The following C19orf38 variants were observed in gnomAD, a reference collection of about 807,000 sequenced individuals.
The protein encoded by C19orf38 is protein HIDE1.
C19orf38 carries 14 observed loss-of-function variants against 26.6 expected under a neutral mutation model. That is an observed-to-expected ratio of 0.53 (90% CI 0.35 to 0.82). The LOEUF (loss-of-function observed/expected upper bound fraction) is 0.82, where lower values mean the gene tolerates loss of function less well. C19orf38 is among the 40% of genes least tolerant of loss of function. The pLI is 0.01. For missense variants in C19orf38, 261 were observed against 299.5 expected (o/e 0.87, Z 0.95); for synonymous variants, 132 against 128.5 (o/e 1.03, Z -0.18).
chr19:10,850,164 G>T, intron 1 of C19orf38, 95 bp from the exon 2 acceptor site: 1 of 1,233,688 alleles, frequency 8.1e-7, no homozygotes, highest in South Asian at 1.5e-5. Context: ...GAAAACACAA[G>T]GCTGAGGGAG....
At chr19:10,853,899 G>GTTT (rs545079431) in intron 2 of C19orf38, among the ~76,000 whole-genome samples, 18 of 116,894 alleles carry the variant, frequency 1.5e-4, no homozygotes, top group African/African-American at 4.4e-4. Context: ...TCCGGCTAAT[G>GTTT]TTTTTTTTTT....
chr19:10,857,614 A>T (rs936602020), intron 3 of C19orf38, among the ~76,000 whole-genome samples: 29 of 151,282 alleles, frequency 1.9e-4, no homozygotes, highest in African/African-American at 6.5e-4. Flanking sequence ...GGGTTTCACC[A>T]TGTTGTCCAG....
intron 5 of C19orf38, among the ~76,000 whole-genome samples, chr19:10,860,795 C>G (rs543925307): frequency 1.1e-4 from 14 of 132,694 alleles, no homozygotes; most frequent in Non-Finnish European, 1.8e-4. Flanking sequence ...GAGCCCAGAT[C>G]GCGCCACTGT....
At chr19:10,848,977 G>T (rs1360254770) in intron 1 of C19orf38, among the ~76,000 whole-genome samples, 1 of 151,996 alleles carries the variant, frequency 6.6e-6, no homozygotes, top group Non-Finnish European at 1.5e-5. Context: ...GGGCAATCAG[G>T]AGAGAGATGG....
At chr19:10,856,102 C>T (rs67987899) in intron 2 of C19orf38, among the ~76,000 whole-genome samples, 163 bp from the exon 3 acceptor site, 35,423 of 152,090 alleles carry the variant, frequency 0.23, 4,399 homozygotes, top group Middle Eastern at 0.33. Flanking sequence ...TAGCCAGGAG[C>T]GGGGGATAGG....
chr19:10,869,078 C>G, intron 6 of C19orf38, 140 bp from the exon 7 acceptor site: 1 of 1,087,228 alleles, frequency 9.2e-7, no homozygotes, highest in East Asian at 2.6e-5. Flanking sequence ...AAGGGAAGAC[C>G]AGGACAGGTG....
At chr19:10,862,719 A>G (rs1313333959) in intron 5 of C19orf38, among the ~76,000 whole-genome samples, 2 of 151,980 alleles carry the variant, frequency 1.3e-5, no homozygotes, top group African/African-American at 4.8e-5. Flanking sequence ...AATCCCAGCT[A>G]TTAGGAGGCT....
intron 4 of C19orf38, among the ~76,000 whole-genome samples, chr19:10,859,384 ATTTTTTT>A (rs1221027780): frequency 9.5e-5 from 2 of 21,064 alleles, no homozygotes; most frequent in Admixed American, 7.7e-4. Flanking sequence ...ATATATATAT[ATTTTTTT>A]TTTTTTTTTT....
At chr19:10,853,928 G>A (rs533735590) in intron 2 of C19orf38, among the ~76,000 whole-genome samples, 2 of 149,546 alleles carry the variant, frequency 1.3e-5, no homozygotes, top group Admixed American at 1.3e-4. Context: ...TAATTAGGAG[G>A]GACTGCTGGC....
chr19:10,838,111 T>C (rs916292853), intron 1 of C19orf38, among the ~76,000 whole-genome samples: 3 of 152,190 alleles, frequency 2.0e-5, no homozygotes, highest in African/African-American at 7.2e-5. Context: ...TCACATTGCA[T>C]AAAATTAACA....
chr19:10,865,143 GT>G lies in C19orf38; in HGVS notation c.543+1941del, dbSNP rs1448649705. 2.6e-5 allele frequency among the ~76,000 whole-genome samples: 4 copies of G among 152,198 alleles called. No individual in the cohort carries two copies. The East Asian group carries it at 5.8e-4, about 22-fold the overall frequency. On this transcript the variant is annotated intron_variant, in intron 6 of 6. Coordinates refer to ENST00000397820, the MANE Select transcript of C19orf38 (RefSeq NM_001136482.3). ...CCCCCTCTCCCCACTTTTTGAGGTA[GT>G]TTTTATTTATTTTTGTTTGTTTTTT...
intron 1 of C19orf38, among the ~76,000 whole-genome samples, chr19:10,848,992 C>G (rs1011208148): frequency 3.3e-5 from 5 of 152,060 alleles, no homozygotes; most frequent in African/African-American, 1.2e-4. Flanking sequence ...AGATGGATCC[C>G]CAGGAGACCA....
chr19:10,850,937 C>G (rs1485020725), intron 2 of C19orf38, among the ~76,000 whole-genome samples: 1 of 152,196 alleles, frequency 6.6e-6, no homozygotes, highest in Non-Finnish European at 1.5e-5. Flanking sequence ...AACTGAGGCA[C>G]AGGAGGTACA....
chr19:10,839,686 A>G (rs946381608), intron 1 of C19orf38, among the ~76,000 whole-genome samples: 3 of 150,840 alleles, frequency 2.0e-5, no homozygotes, highest in African/African-American at 4.9e-5. Context: ...ATGGCTGAGT[A>G]GTATTCTATT....
chr19:10,858,251 A>AAAACAAAAATTGCCGG, intron 3 of C19orf38, 65 bp from the exon 4 acceptor site: 2 of 1,246,118 alleles, frequency 1.6e-6, no homozygotes, highest in South Asian at 3.0e-5. Flanking sequence ...AAAAAAAAAA[A>AAAACAAAAATTGCCGG]ACAGAAATTG....
At chr19:10,836,964 A>C (rs1034137497) in intron 1 of C19orf38, among the ~76,000 whole-genome samples, 13 of 152,164 alleles carry the variant, frequency 8.5e-5, no homozygotes, top group African/African-American at 3.1e-4. Flanking sequence ...CGGGTCAGAA[A>C]AACGACAGCC....
chr19:10,869,536 C>A lies in C19orf38; in HGVS notation c.*169C>A. The A allele has an allele frequency of 1.0e-6, 1 of 964,164 alleles. No individual in the cohort carries two copies. Among genetic ancestry groups the A allele is most frequent in the Non-Finnish European group, 1.5e-6 (1 of 672,976 alleles). 59.7% of individuals were successfully genotyped at this position (964,164 alleles called of 1,614,324 possible). A position where few individuals can be genotyped will look rare whatever the true frequency, so the allele number is the denominator to read the frequency against. On this transcript the variant is annotated 3_prime_UTR_variant, in exon 7 of 7. Transcript: ENST00000397820. ...TCACAGAGGAGTGGGAGAGGGGACA[C>A]AGGCATGGGCCTGGCACTATACAGA...
chr19:10,859,336 GTGTGTGTGTGTGTATATATATATATA>G (rs1456735606), intron 4 of C19orf38, among the ~76,000 whole-genome samples: 2 of 54,448 alleles, frequency 3.7e-5, no homozygotes, highest in African/African-American at 1.6e-4. Flanking sequence ...ATGTATGTGT[GTGTGTGTGTGTGTATATATATATATA>G]TATATATATA....
intron 6 of C19orf38, among the ~76,000 whole-genome samples, chr19:10,868,813 T>C (rs925371212): frequency 6.6e-6 from 1 of 152,156 alleles, no homozygotes; most frequent in African/African-American, 2.4e-5. Flanking sequence ...ACAGAGGAGA[T>C]AATATGAATG....
Sources: allele counts gnomAD v4.1 joint callset (sites outside exome capture counted in the v4.1 genomes callset), GRCh38; gene constraint gnomAD v4.1.1; transcripts MANE v1.5; gene names NCBI Gene and HGNC (gene_info 2026-07-23, HGNC 2026-07-21).